Variants in SLC22A9 observed in about 807,000 individuals in gnomAD.
SLC22A9 encodes organic anion transporter 7.
A neutral mutation model predicts 50.1 loss-of-function variants in SLC22A9; 64 were observed. The ratio of observed to expected loss-of-function variants is 1.28; its 90% CI spans 1.04 to 1.57. The LOEUF (loss-of-function observed/expected upper bound fraction) is 1.57, where lower values mean the gene tolerates loss of function less well. SLC22A9 is among the 40% of genes most tolerant of loss of function. SLC22A9 has a pLI of 0.00. For missense variants in SLC22A9, 757 were observed against 676.1 expected (o/e 1.12, Z -1.33); for synonymous variants, 261 against 242.5 (o/e 1.08, Z -0.71).
At chr11:63,373,136 T>TTTTTTTTTTTTTTTC (rs2014394458) in intron 2 of SLC22A9, among the ~76,000 whole-genome samples, 1 of 32,834 alleles carries the variant, frequency 3.0e-5, no homozygotes. Flanking sequence ...TTTTTTTTTC[T>TTTTTTTTTTTTTTTC]TTTTTTTTTT....
intron 6 of SLC22A9, among the ~76,000 whole-genome samples, chr11:63,395,901 T>C (rs1420752517): frequency 6.6e-6 from 1 of 151,932 alleles, no homozygotes; most frequent in Non-Finnish European, 1.5e-5. Context: ...AGGATAGGGG[T>C]GAGGTTCCCA....
At chr11:63,380,859 G>A (rs966947100) in intron 5 of SLC22A9, among the ~76,000 whole-genome samples, 7 of 151,128 alleles carry the variant, frequency 4.6e-5, no homozygotes, top group African/African-American at 1.7e-4. Flanking sequence ...CCTAAAAGTT[G>A]GAAAGTAAAA....
At chr11:63,396,359 A>G (rs1591024467) in intron 6 of SLC22A9, among the ~76,000 whole-genome samples, 1 of 152,324 alleles carries the variant, frequency 6.6e-6, no homozygotes, top group East Asian at 1.9e-4. Flanking sequence ...GCAAGCTCCC[A>G]GGGCCTTTCC....
chr11:63,375,560 G>A, intron 4 of SLC22A9, 85 bp from the exon 5 acceptor site: 1 of 1,538,894 alleles, frequency 6.5e-7, no homozygotes, highest in Non-Finnish European at 8.8e-7. Context: ...TATTAGCTTG[G>A]AGGGAGAAGA....
chr11:63,408,841 C>T lies in SLC22A9; in HGVS notation c.1563C>T (p.Asn521=). The change falls in exon 9 of 10, where the codon AAC becomes AAT. Residue 521 remains asparagine, a synonymous_variant. Transcript: ENST00000279178. ...FAFLLLPETR[N]KPLFDTIQDE... is the part of the protein sequence containing the mutation. ...TCCTCCTCCTTCCTGAAACCAGGAACAAGCCTCTGTTTGACACCATCCAGG... is the reference window on the plus strand; with the variant it reads ...TCCTCCTCCTTCCTGAAACCAGGAATAAGCCTCTGTTTGACACCATCCAGG... The T allele has an allele frequency of 6.2e-7, 1 of 1,613,936 alleles. No homozygotes were observed. Among genetic ancestry groups the T allele is most frequent in the Non-Finnish European group, 8.5e-7 (1 of 1,179,896 alleles).
intron 6 of SLC22A9, among the ~76,000 whole-genome samples, chr11:63,386,142 G>C (rs747372264): frequency 6.6e-6 from 1 of 152,078 alleles, no homozygotes; most frequent in Non-Finnish European, 1.5e-5. Context: ...GGATGAAGCC[G>C]ACTTCATCGG....
At chr11:63,397,342 C>G (rs1243983540) in intron 6 of SLC22A9, among the ~76,000 whole-genome samples, 1 of 152,150 alleles carries the variant, frequency 6.6e-6, no homozygotes, top group Non-Finnish European at 1.5e-5. Context: ...GCCAGTATAG[C>G]ACTGGGTATC....
intron 6 of SLC22A9, among the ~76,000 whole-genome samples, chr11:63,394,934 T>C (rs1281652357): frequency 6.6e-6 from 1 of 150,762 alleles, no homozygotes; most frequent in African/African-American, 2.5e-5. Context: ...TTGTTCTTTT[T>C]TCATTTATTT....
intron 7 of SLC22A9, among the ~76,000 whole-genome samples, chr11:63,407,553 T>G (rs1481670318): frequency 6.6e-6 from 1 of 152,184 alleles, no homozygotes; most frequent in Non-Finnish European, 1.5e-5. Context: ...TTCAGTGCTT[T>G]CCAAAGTCTG....
At position 63,389,386 on chromosome 11, in the gene SLC22A9, G is replaced by A. The variant is rs374590707; in HGVS notation, c.1073+7109G>A. Among the ~76,000 whole-genome samples, 35 of 146,538 alleles carry A rather than the reference G, an allele frequency of 2.4e-4. No homozygotes were observed. In the East Asian group the frequency reaches 4.9e-3, roughly 20 times the overall value. On this transcript the variant is annotated intron_variant, in intron 6 of 9. Coordinates refer to ENST00000279178, the MANE Select transcript of SLC22A9 (RefSeq NM_080866.3). ...GTGATGTTCCCCTCCCTGTGTCCAT[G>A]TGTTCTCATTGTTCAACTCCCGCTT...
chr11:63,405,144 T>C (rs190834510), intron 6 of SLC22A9, among the ~76,000 whole-genome samples: 1 of 151,872 alleles, frequency 6.6e-6, no homozygotes, highest in Non-Finnish European at 1.5e-5. Context: ...ATAATAATAA[T>C]AAAAGGAATA....
chr11:63,370,004 C>G lies in SLC22A9; in HGVS notation c.-53C>G. ...AAGAAAACATTTTCCCTCTTTGAACCTCTCTGGATACAGTCATTTTGCCTC... is the reference window on the plus strand; with the variant it reads ...AAGAAAACATTTTCCCTCTTTGAACGTCTCTGGATACAGTCATTTTGCCTC... On this transcript the variant is annotated 5_prime_UTR_variant, in exon 1 of 10. Transcript: ENST00000279178. 6.5e-7 allele frequency: 1 copy of G among 1,531,614 alleles called. No homozygotes were observed. The allele number at this position is 1,531,614 out of a possible 1,614,324, so 94.9% of individuals were successfully genotyped here. A position where few individuals can be genotyped will look rare whatever the true frequency, so the allele number is the denominator to read the frequency against.
intron 6 of SLC22A9, among the ~76,000 whole-genome samples, chr11:63,400,419 A>C (rs1231023153): frequency 6.6e-6 from 1 of 152,082 alleles, no homozygotes; most frequent in Non-Finnish European, 1.5e-5. Context: ...GAGGTGGATA[A>C]ATTTTTTTGA....
intron 6 of SLC22A9, among the ~76,000 whole-genome samples, chr11:63,401,404 C>T (rs1318456619): frequency 6.6e-6 from 1 of 151,822 alleles, no homozygotes. Flanking sequence ...ATTTGCAATT[C>T]GTTACAAAAA....
At chr11:63,382,966 G>T (rs501594) in intron 6 of SLC22A9, among the ~76,000 whole-genome samples, 1 of 152,078 alleles carries the variant, frequency 6.6e-6, no homozygotes, top group Non-Finnish European at 1.5e-5. Context: ...GCCTATGACC[G>T]CTCCCTCATA....
chr11:63,381,790 C>T (rs948163681), intron 5 of SLC22A9, among the ~76,000 whole-genome samples: 20 of 152,134 alleles, frequency 1.3e-4, no homozygotes, highest in African/African-American at 4.3e-4. Flanking sequence ...TGTCCACGTC[C>T]TTTGGGGACC....
intron 5 of SLC22A9, among the ~76,000 whole-genome samples, chr11:63,380,536 A>G (rs768391161): frequency 1.2e-4 from 18 of 152,220 alleles, no homozygotes; most frequent in Non-Finnish European, 2.4e-4. Context: ...TTGCAGCAAC[A>G]TGGATAGAGA....
intron 6 of SLC22A9, among the ~76,000 whole-genome samples, chr11:63,402,561 CTG>C (rs1261966368): frequency 6.6e-6 from 1 of 151,774 alleles, no homozygotes; most frequent in Non-Finnish European, 1.5e-5. Flanking sequence ...GCCTCTCACT[CTG>C]TTCCTTTTGT....
intron 6 of SLC22A9, among the ~76,000 whole-genome samples, chr11:63,394,296 T>A (rs1041097643): frequency 3.3e-5 from 5 of 152,250 alleles, no homozygotes; most frequent in African/African-American, 9.6e-5. Context: ...TCTTTTTTTT[T>A]AATTCTATTT....
Sources: allele counts gnomAD v4.1 joint callset (sites outside exome capture counted in the v4.1 genomes callset), GRCh38; gene constraint gnomAD v4.1.1; transcripts MANE v1.5; gene names NCBI Gene and HGNC (gene_info 2026-07-23, HGNC 2026-07-21).